TIAM1: variants seen among roughly 807,000 people sequenced by gnomAD.
TIAM1 encodes the protein rho guanine nucleotide exchange factor TIAM1.
Under a neutral mutation model 163.5 loss-of-function variants are expected in TIAM1, and 65 were observed. The ratio of observed to expected loss-of-function variants is 0.40; its 90% confidence interval spans 0.33 to 0.49. The LOEUF (loss-of-function observed/expected upper bound fraction) is 0.49. Ranked by LOEUF, TIAM1 falls within the 20% of genes least tolerant of loss-of-function variation. The probability of loss-of-function intolerance (pLI) is 0.77; values close to 1 mark genes in which losing one functional copy is unlikely to be tolerated. For missense variants in TIAM1, 1,789 were observed against 2,044.7 expected (o/e 0.87, Z 2.41); for synonymous variants, 833 against 810.1 (o/e 1.03, Z -0.48).
intron 1 of TIAM1, among the ~76,000 whole-genome samples, chr21:31,499,135 A>G (rs1216674026): frequency 1.3e-5 from 2 of 152,186 alleles, no homozygotes; most frequent in African/African-American, 2.4e-5. Flanking sequence ...CAAAGCCTGG[A>G]AAGACAGAGC....
At chr21:31,437,031 A>G (rs2044233613) in intron 2 of TIAM1, among the ~76,000 whole-genome samples, 1 of 152,112 alleles carries the variant, frequency 6.6e-6, no homozygotes, top group Admixed American at 6.6e-5. Flanking sequence ...AAATATTTAC[A>G]TTTTTCTTAT....
intron 1 of TIAM1, among the ~76,000 whole-genome samples, chr21:31,509,185 C>T (rs1467630710): frequency 6.6e-6 from 1 of 152,146 alleles, no homozygotes; most frequent in African/African-American, 2.4e-5. Context: ...TCAGGACTAC[C>T]CGACAAACCC....
At chr21:31,176,849 C>T (rs11909929) in intron 15 of TIAM1, among the ~76,000 whole-genome samples, 14,707 of 151,962 alleles carry the variant, frequency 0.097, 1,442 homozygotes, top group African/African-American at 0.25. Context: ...AAGCAACCAC[C>T]GGAACAAATG....
chr21:31,217,406 A>G (rs1358431287), intron 9 of TIAM1, 147 bp downstream of exon 9: 1 of 1,109,498 alleles, frequency 9.0e-7, no homozygotes, highest in Non-Finnish European at 1.3e-6. Flanking sequence ...TTATCTATTA[A>G]AAGTGTCTAG....
intron 2 of TIAM1, among the ~76,000 whole-genome samples, chr21:31,431,929 A>G (rs1352446405): frequency 1.3e-5 from 2 of 152,200 alleles, no homozygotes; most frequent in Admixed American, 6.5e-5. Flanking sequence ...AAATGACTGT[A>G]AACAAAATCC....
intron 5 of TIAM1, among the ~76,000 whole-genome samples, chr21:31,249,663 T>C (rs990512595): frequency 2.0e-5 from 3 of 152,062 alleles, no homozygotes; most frequent in Non-Finnish European, 2.9e-5. Context: ...GGAAGAAGCC[T>C]TTCCCCTCAT....
intron 2 of TIAM1, among the ~76,000 whole-genome samples, chr21:31,388,813 T>A (rs1169572253): frequency 6.6e-6 from 1 of 152,180 alleles, no homozygotes. Context: ...ATTGAAGAAA[T>A]TAAAATAGTA....
chr21:31,403,823 A>C (rs973280551), intron 2 of TIAM1, among the ~76,000 whole-genome samples: 1 of 152,178 alleles, frequency 6.6e-6, no homozygotes, highest in African/African-American at 2.4e-5. Flanking sequence ...TGAATTAGAC[A>C]GTCCCTGCCC....
intron 1 of TIAM1, among the ~76,000 whole-genome samples, chr21:31,555,526 T>C (rs2048845426): frequency 6.6e-6 from 1 of 152,014 alleles, no homozygotes; most frequent in Non-Finnish European, 1.5e-5. Context: ...CGAGCCTGAG[T>C]CCGTGGTGTT....
At chr21:31,272,560 T>A (rs2073105603) in intron 3 of TIAM1, among the ~76,000 whole-genome samples, 1 of 151,902 alleles carries the variant, frequency 6.6e-6, no homozygotes, top group African/African-American at 2.4e-5. Context: ...TTTACTATAA[T>A]CATGTAAGAT....
intron 1 of TIAM1, among the ~76,000 whole-genome samples, chr21:31,507,568 T>C (rs2047075375): frequency 1.3e-5 from 2 of 152,100 alleles, no homozygotes; most frequent in Admixed American, 6.6e-5. Context: ...TAGCAAAATA[T>C]GTTTTCTTTT....
chr21:31,366,690 C>T (rs1192233165), intron 2 of TIAM1, among the ~76,000 whole-genome samples: 1 of 152,224 alleles, frequency 6.6e-6, no homozygotes, highest in Non-Finnish European at 1.5e-5. Flanking sequence ...CATCTTGGCT[C>T]ACTGCAACCT....
chr21:31,433,999 C>T (rs1041840227), intron 2 of TIAM1, among the ~76,000 whole-genome samples: 37 of 151,986 alleles, frequency 2.4e-4, no homozygotes, highest in African/African-American at 8.7e-4. Context: ...GGTTTTGCCA[C>T]GTTGCCCAGG....
In TIAM1 at chr21:31,126,490, C is replaced by T. The variant is rs140624189; in HGVS notation, c.4133+575G>A. Among the ~76,000 whole-genome samples, 491 of 152,120 alleles carry T rather than the reference C, an allele frequency of 3.2e-3. 4 individuals are homozygous for T. The highest frequency in any genetic ancestry group is 0.011 in the African/African-American group (476 of 41,516). ...GCTGAGGCAGCAGAATGGCATGAAC[C>T]CAGGAGGCAGAGGTTGCAGTGAGCC... On this transcript the variant is annotated intron_variant, in intron 26 of 27. Transcript: ENST00000541036.
chr21:31,244,945 T>C (rs559795955), intron 6 of TIAM1, among the ~76,000 whole-genome samples: 30 of 152,318 alleles, frequency 2.0e-4, no homozygotes, highest in African/African-American at 7.0e-4. Context: ...CCTGAAGCAG[T>C]TAGCAGAGAA....
intron 7 of TIAM1, 26 bp from the exon 8 acceptor site, chr21:31,223,617 G>T (rs771889682): frequency 2.6e-6 from 4 of 1,562,274 alleles, no homozygotes. Flanking sequence ...CACGGGAAAA[G>T]AAAAAGTGAG....
At chr21:31,448,560 T>C (rs542806174) in intron 2 of TIAM1, among the ~76,000 whole-genome samples, 3 of 150,362 alleles carry the variant, frequency 2.0e-5, no homozygotes, top group African/African-American at 7.4e-5. Flanking sequence ...GAGCCAAGAT[T>C]GTGCCACTGC....
At position 31,266,237 on chromosome 21, in the gene TIAM1, T is replaced by A. The variant is rs1319141102; in HGVS notation, c.736A>T (p.Asn246Tyr). Residue 246 changes from asparagine (N) to tyrosine (Y), a missense_variant, in exon 4 of 28, where the codon AAC (asparagine) becomes TAC (tyrosine). Asn to Tyr is a moderately radical substitution (Grantham distance 143, BLOSUM62 -2). Around this residue, in one of 5 missense-constraint regions of TIAM1, gnomAD observed 555 missense variants for 564.9 expected, o/e 0.98. Coordinates refer to ENST00000541036, the MANE Select transcript of TIAM1 (RefSeq NM_001353694.2). The part of the protein sequence containing the change: ...YAQKNSGVTA[N>Y]GGPGSKFAGY... ...GCAAATTTGCTCCCCGGCCCCCCGT[T>A]TGCTGTCACTCCAGAGTTTTTCTGA... 1.9e-6 allele frequency: 3 copies of A among 1,614,162 alleles called. No homozygotes were observed. The Admixed American group carries it at 5.0e-5, about 27-fold the overall frequency.
At chr21:31,364,066 T>C (rs150424142) in intron 2 of TIAM1, among the ~76,000 whole-genome samples, 1,689 of 152,342 alleles carry the variant, frequency 0.011, 16 homozygotes, top group South Asian at 0.02. Context: ...ATTGAACTTA[T>C]ACATTTCTTC....
Sources: gnomAD v4.1 joint callset for allele counts (sites outside exome capture counted in the v4.1 genomes callset) on GRCh38, gnomAD v4.1.1 for gene constraint, gnomAD v4.1.1 regional missense constraint, MANE v1.5 for transcripts, NCBI Gene and HGNC (gene_info 2026-07-23, HGNC 2026-07-21) for gene names.